Variants in DLST observed in about 807,000 individuals in gnomAD.
The protein encoded by DLST is dihydrolipoyllysine-residue succinyltransferase component of 2-oxoglutarate dehydrogenase complex, mitochondrial.
Under a neutral mutation model 53.1 loss-of-function variants are expected in DLST, and 17 were observed. The observed-to-expected ratio is 0.32, with a 90% CI of 0.22 to 0.48. The LOEUF is 0.48. DLST is among the 20% of genes least tolerant of loss of function. DLST has a pLI of 0.99. For synonymous variants in DLST, 206 were observed against 204.8 expected (o/e 1.01, Z -0.05); for missense variants, 512 against 583.9 (o/e 0.88, Z 1.27).
chr14:74,883,443 C>T (rs1286270459), intron 2 of DLST, among the ~76,000 whole-genome samples: 4 of 152,014 alleles, frequency 2.6e-5, no homozygotes, highest in Non-Finnish European at 1.5e-5. Flanking sequence ...GTGATTTGGC[C>T]GGAGTATTTT....
intron 3 of DLST, among the ~76,000 whole-genome samples, chr14:74,886,660 A>G (rs1328214198): frequency 6.6e-6 from 1 of 152,068 alleles, no homozygotes; most frequent in Admixed American, 6.6e-5. Context: ...TAAATGTTGC[A>G]CTCAGTACTA....
intron 5 of DLST, chr14:74,889,692 C>T (rs373948851): frequency 3.5e-6 from 2 of 579,592 alleles, no homozygotes; most frequent in African/African-American, 3.8e-5. Context: ...GCTCCTCTCA[C>T]TTCTTAAGTT....
At chr14:74,894,226 G>A in intron 9 of DLST, 86 bp from the exon 10 acceptor site, 1 of 1,522,768 alleles carries the variant, frequency 6.6e-7, no homozygotes, top group East Asian at 2.3e-5. Context: ...ATCTACTCGT[G>A]GCAAGCCGTG....
intron 2 of DLST, among the ~76,000 whole-genome samples, chr14:74,883,247 T>A (rs1883592446): frequency 6.7e-6 from 1 of 150,168 alleles, no homozygotes; most frequent in Admixed American, 6.6e-5. Context: ...GTGAGCCGAG[T>A]TCGCGCCACT....
rs756270418 is a variant in DLST at position 74,902,201 on chromosome 14, G to T, written c.1233G>T (p.Glu411Asp). ...DRPVAIGGKV[E>D]VRPMMYVALT... Reference sequence around the variant, plus strand: ...TTTACCTTTCCTCTCTGTAGGTAGAGGTGCGGCCCATGATGTACGTGGCAC... The same window carrying T: ...TTTACCTTTCCTCTCTGTAGGTAGATGTGCGGCCCATGATGTACGTGGCAC... The change falls in exon 15 of 15, where the codon GAG (glutamate) becomes GAT (aspartate). Residue 411 changes from glutamate to aspartate, a missense_variant. Around this residue, in one of 4 missense-constraint regions of DLST, gnomAD observed 186 missense variants for 260.4 expected, o/e 0.71. Transcript: ENST00000334220. 6.3e-7 allele frequency: 1 copy of T among 1,592,564 alleles called. No individual in the cohort carries two copies.
At chr14:74,890,218 C>G (rs925487897) in intron 6 of DLST, among the ~76,000 whole-genome samples, 1 of 148,798 alleles carries the variant, frequency 6.7e-6, no homozygotes, top group Admixed American at 6.8e-5. Flanking sequence ...ACCTCCACCT[C>G]CTGGGTTCAA....
intron 13 of DLST, 23 bp downstream of exon 13, chr14:74,900,395 A>G (rs1211001182): frequency 6.2e-7 from 1 of 1,607,030 alleles, no homozygotes; most frequent in Non-Finnish European, 8.5e-7. Context: ...GATGTATACA[A>G]GCTGCTAAGC....
At chr14:74,883,670 C>T (rs1162510011) in intron 2 of DLST, among the ~76,000 whole-genome samples, 2 of 152,162 alleles carry the variant, frequency 1.3e-5, no homozygotes, top group Non-Finnish European at 2.9e-5. Context: ...AGTTAATCAT[C>T]TCAAAACAGT....
chr14:74,890,613 C>G (rs1050024131), intron 6 of DLST, among the ~76,000 whole-genome samples: 21 of 152,152 alleles, frequency 1.4e-4, no homozygotes, highest in African/African-American at 5.1e-4. Context: ...TTCACAGTAG[C>G]GATGACTTGT....
At chr14:74,901,030 T>C in intron 13 of DLST, 36 bp from the exon 14 acceptor site, 1 of 1,606,660 alleles carries the variant, frequency 6.2e-7, no homozygotes, top group South Asian at 1.1e-5. Flanking sequence ...GGAAACTGGG[T>C]TGGCTTGATA....
Position 74,902,473 on chromosome 14 carries a change from C to A in DLST, c.*143C>A. ...AGCAAGGAAGCAGAGCACTGTGTAA[C>A]CAGCAGTCACAGGTCTTTTCTTGGC... On this transcript the variant is annotated 3_prime_UTR_variant, in exon 15 of 15. Coordinates refer to ENST00000334220, the MANE Select transcript of DLST (RefSeq NM_001933.5). 1 of 1,000,928 alleles carries A rather than the reference C, an allele frequency of 1.0e-6. No homozygotes were observed. The highest frequency in any genetic ancestry group is 1.4e-6 in the Non-Finnish European group (1 of 719,306). 62.0% of individuals were successfully genotyped at this position (1,000,928 alleles called of 1,614,324 possible).
At position 74,892,957 on chromosome 14, in the gene DLST, C is replaced by T. The variant is rs770034075; in HGVS notation, c.566C>T (p.Ser189Leu). The T allele has an allele frequency of 2.0e-5, 33 of 1,613,602 alleles. No individual in the cohort carries two copies. Among genetic ancestry groups the T allele is most frequent in the East Asian group, 4.5e-5 (2 of 44,874 alleles). Reference sequence around the variant, plus strand: ...CCCACTCAGATGCCACCGGTGCCCTCGCCCTCACAGCCTCCTTCTGGCAAA... The same window carrying T: ...CCCACTCAGATGCCACCGGTGCCCTTGCCCTCACAGCCTCCTTCTGGCAAA... ...PIPTQMPPVP[S>L]PSQPPSGKPV... is the part of the protein sequence containing the mutation. Residue 189 changes from serine (S) to leucine (L), a missense_variant, in exon 8 of 15, where the codon TCG becomes TTG. Ser to Leu is a moderately radical substitution (Grantham distance 145). Transcript: ENST00000334220.
In DLST at chr14:74,894,414, T is replaced by C; in HGVS notation, c.770+5T>C. 1 of 1,614,096 alleles carries C rather than the reference T, an allele frequency of 6.2e-7. No homozygotes were observed. Among genetic ancestry groups the C allele is most frequent in the Non-Finnish European group, 8.5e-7 (1 of 1,179,958 alleles). Reference sequence around the variant, plus strand: ...TTTTAATGAGATTGACATGAGGTAGTGTCTCTAGTCCCTCTTATCCCCTAG... The same window carrying C: ...TTTTAATGAGATTGACATGAGGTAGCGTCTCTAGTCCCTCTTATCCCCTAG... On this transcript the variant is annotated splice_donor_5th_base_variant and intron_variant, in intron 10 of 14. Coordinates refer to ENST00000334220, the MANE Select transcript of DLST (RefSeq NM_001933.5).
rs117332856 is a variant in DLST at position 74,896,237 on chromosome 14, C to A, written c.770+1828C>A. ...GAAAGGTCATTCCAGATGATGTTAA[C>A]AGTGTAGACCATGAGATGGGAAAGT... On this transcript the variant is annotated intron_variant, in intron 10 of 14. Coordinates refer to ENST00000334220, the MANE Select transcript of DLST (RefSeq NM_001933.5). Among the ~76,000 whole-genome samples the A allele has an allele frequency of 1.3e-3, 202 of 152,318 alleles. 3 individuals carry two copies. In the East Asian group the frequency reaches 0.034, roughly 26 times the overall value.
At chr14:74,884,153 A>G (rs948107529) in intron 2 of DLST, among the ~76,000 whole-genome samples, 1 of 152,206 alleles carries the variant, frequency 6.6e-6, no homozygotes, top group Non-Finnish European at 1.5e-5. Context: ...TGCTTGTGCA[A>G]AGGTTTTCAG....
chr14:74,882,590 G>T lies in DLST; in HGVS notation c.64-1G>T. ...GTCGATAATGTCTTCTTTCTCAACAGGGGAACTGCCCTCTAGGGAGACGTT... is the reference window on the plus strand; with the variant it reads ...GTCGATAATGTCTTCTTTCTCAACATGGGAACTGCCCTCTAGGGAGACGTT... On this transcript the variant is annotated splice_acceptor_variant, in intron 1 of 14. Transcript: ENST00000334220. LOFTEE classifies it high-confidence loss of function. 6.2e-7 allele frequency: 1 copy of T among 1,613,774 alleles called. No individual in the cohort carries two copies. Among genetic ancestry groups the T allele is most frequent in the Non-Finnish European group, 8.5e-7 (1 of 1,179,912 alleles).
At chr14:74,889,588 C>T in intron 5 of DLST, 1 of 539,338 alleles carries the variant, frequency 1.9e-6, no homozygotes. Context: ...TCAGGCTGGT[C>T]TCAAACTCCT....
intron 2 of DLST, among the ~76,000 whole-genome samples, chr14:74,884,928 A>G (rs1259472343): frequency 4.6e-5 from 7 of 152,332 alleles, no homozygotes; most frequent in African/African-American, 1.4e-4. Flanking sequence ...GCAGTTAACT[A>G]TGATAAGGAC....
rs11848807 is a variant in DLST at position 74,882,954 on chromosome 14, G to A, written c.97+330G>A. The stretch of plus-strand genomic sequence containing the variant: ...GGCAAATTTTTGTAACTGCTGAGAA[G>A]GAAACGAGGGTGGACAGAAGAGCCC... On this transcript the variant is annotated intron_variant, in intron 2 of 14. Coordinates refer to ENST00000334220, the MANE Select transcript of DLST (RefSeq NM_001933.5). Among the ~76,000 whole-genome samples, 1,330 of 152,338 alleles carry A rather than the reference G, an allele frequency of 8.7e-3. 14 individuals are homozygous for A. The highest frequency in any genetic ancestry group is 0.03 in the African/African-American group (1,263 of 41,564).
Sources: gnomAD v4.1 joint callset for allele counts (sites outside exome capture counted in the v4.1 genomes callset) on GRCh38, gnomAD v4.1.1 for gene constraint, gnomAD v4.1.1 regional missense constraint, MANE v1.5 for transcripts, NCBI Gene and HGNC (gene_info 2026-07-23, HGNC 2026-07-21) for gene names.